MGRN1: variants seen among roughly 807,000 people sequenced by gnomAD.
The protein encoded by MGRN1 is mahogunin ring finger 1.
MGRN1 carries 29 observed loss-of-function variants against 69.2 expected under a neutral mutation model. The ratio of observed to expected loss-of-function variants is 0.42; its 90% confidence interval spans 0.31 to 0.57. The LOEUF (loss-of-function observed/expected upper bound fraction) is 0.57, where lower values mean the gene tolerates loss of function less well. Ranked by LOEUF, MGRN1 falls within the 20% of genes least tolerant of loss-of-function variation. MGRN1 has a pLI of 0.15. For missense variants in MGRN1, 998 were observed against 796.2 expected, an observed-to-expected ratio of 1.25 and a Z score of -3.05; for synonymous variants, 470 against 344.2, an observed-to-expected ratio of 1.37 and a Z score of -4.04.
At chr16:4,669,997 A>G (rs1193523993) in intron 8 of MGRN1, among the ~76,000 whole-genome samples, 1 of 152,180 alleles carries the variant, frequency 6.6e-6, no homozygotes, top group Non-Finnish European at 1.5e-5. Context: ...ACCTGTTTCA[A>G]GCCACCACTT....
Position 4,624,912 on chromosome 16 carries a change from G to A in MGRN1, c.-49G>A. The A allele has an allele frequency of 6.8e-7, 1 of 1,467,432 alleles. No individual in the cohort carries two copies. Among genetic ancestry groups the A allele is most frequent in the South Asian group, 1.3e-5 (1 of 78,256 alleles). The allele number at this position is 1,467,432 out of a possible 1,614,324, so 90.9% of individuals were successfully genotyped here. On this transcript the variant is annotated 5_prime_UTR_variant, in exon 1 of 17. Transcript: ENST00000262370. Reference sequence around the variant, plus strand: ...TCCGCGTGAGGACCCCGCCGCTGTCGCCGCTCCCGTTCCGGCCCTGGCCCC... The same window carrying A: ...TCCGCGTGAGGACCCCGCCGCTGTCACCGCTCCCGTTCCGGCCCTGGCCCC...
At chr16:4,644,354 C>G (rs1472697157) in intron 1 of MGRN1, among the ~76,000 whole-genome samples, 2 of 139,398 alleles carry the variant, frequency 1.4e-5, no homozygotes, top group African/African-American at 5.5e-5. Context: ...GTTGTCCAGG[C>G]TGGAGTGGAC....
At chr16:4,686,405 C>T in intron 16 of MGRN1, 2 of 1,480,432 alleles carry the variant, frequency 1.4e-6, no homozygotes, top group Non-Finnish European at 1.8e-6. Flanking sequence ...GTTTTTGGGT[C>T]TTCGTCCGCA....
chr16:4,638,094 G>C (rs2078070958), intron 1 of MGRN1, among the ~76,000 whole-genome samples: 1 of 152,186 alleles, frequency 6.6e-6, no homozygotes, highest in Non-Finnish European at 1.5e-5. Context: ...ACACCTGCCG[G>C]AGGCTCCTTT....
intron 1 of MGRN1, among the ~76,000 whole-genome samples, chr16:4,641,954 C>T (rs953179770): frequency 6.6e-6 from 1 of 152,022 alleles, no homozygotes; most frequent in Non-Finnish European, 1.5e-5. Flanking sequence ...CTCGGCTGGC[C>T]TGGATTCTCT....
rs1392531122 is a variant in MGRN1, at chr16:4,624,860, C to T, written c.-101C>T. The T allele has an allele frequency of 3.1e-6, 3 of 980,446 alleles. No homozygotes were observed. Among genetic ancestry groups the T allele is most frequent in the East Asian group, 3.5e-5 (1 of 28,334 alleles). The allele number at this position is 980,446 out of a possible 1,614,324, so 60.7% of individuals were successfully genotyped here. A position where few individuals can be genotyped will look rare whatever the true frequency, so the allele number is the denominator to read the frequency against. ...AGGCGCCTCCGCGGCCGTGGACGAG[C>T]GTCCGTGCGGCCTGGTCCGGGCCAT... is the stretch of plus-strand genomic sequence containing the variant. On this transcript the variant is annotated 5_prime_UTR_variant, in exon 1 of 17. Transcript: ENST00000262370.
Position 4,687,725 on chromosome 16 carries a change from C to T in MGRN1, c.1619-1071C>T, listed in dbSNP as rs910305671. The T allele has an allele frequency of 9.9e-5, 98 of 985,480 alleles. 1 individual carries two copies. The African/African-American group carries it at 1.2e-3, about 12-fold the overall frequency. 61.0% of individuals were successfully genotyped at this position (985,480 alleles called of 1,614,324 possible). Reference sequence around the variant, plus strand: ...CAAGCTGCGTGCAGCTCTGGTCTGCCGAGGCCCATGCAGCCTGCTGGGAGG... The same window carrying T: ...CAAGCTGCGTGCAGCTCTGGTCTGCTGAGGCCCATGCAGCCTGCTGGGAGG... On this transcript the variant is annotated intron_variant, in intron 16 of 16. Coordinates refer to ENST00000262370, the MANE Select transcript of MGRN1 (RefSeq NM_015246.4).
intron 16 of MGRN1, chr16:4,687,546 C>T (rs546089468): frequency 4.3e-5 from 42 of 974,748 alleles, no homozygotes; most frequent in South Asian, 9.5e-5. Context: ...CCACCCACTC[C>T]AGCCTGAGAC....
intron 5 of MGRN1, among the ~76,000 whole-genome samples, chr16:4,661,191 C>G (rs138042682): frequency 1.7e-4 from 26 of 151,072 alleles, no homozygotes; most frequent in Middle Eastern, 6.8e-3. Flanking sequence ...GTTGCGTAGG[C>G]TGGTCTCAAA....
chr16:4,665,215 A>C, intron 7 of MGRN1, 64 bp downstream of exon 7: 2 of 1,577,566 alleles, frequency 1.3e-6, no homozygotes, highest in Non-Finnish European at 1.7e-6. Context: ...TGGCCTTTTG[A>C]GACGAGAAGC....
chr16:4,656,516 C>T (rs1004627206), intron 4 of MGRN1, among the ~76,000 whole-genome samples: 4 of 152,228 alleles, frequency 2.6e-5, no homozygotes, highest in African/African-American at 9.6e-5. Flanking sequence ...CAGCAGGCCT[C>T]TGGGAGCAGG....
chr16:4,663,433 T>C (rs2078730857), intron 5 of MGRN1, among the ~76,000 whole-genome samples: 1 of 141,442 alleles, frequency 7.1e-6, no homozygotes, highest in Non-Finnish European at 1.5e-5. Flanking sequence ...TGCAGCTCAC[T>C]CGTGTTAAGC....
intron 1 of MGRN1, among the ~76,000 whole-genome samples, chr16:4,643,885 G>C (rs1178683421): frequency 6.6e-6 from 1 of 152,160 alleles, no homozygotes; most frequent in African/African-American, 2.4e-5. Flanking sequence ...TGAGTAGATG[G>C]GTTCCTTTTT....
chr16:4,678,444 TGGAGAGACAAAG>T (rs368292222), intron 11 of MGRN1, among the ~76,000 whole-genome samples: 112 of 148,986 alleles, frequency 7.5e-4, no homozygotes, highest in African/African-American at 2.5e-3. Context: ...GAGAGAGATG[TGGAGAGACAAAG>T]GGAGAGACAG....
At chr16:4,629,798 C>A (rs1023847264) in intron 1 of MGRN1, among the ~76,000 whole-genome samples, 1 of 150,934 alleles carries the variant, frequency 6.6e-6, no homozygotes, top group Non-Finnish European at 1.5e-5. Context: ...GTCATCTCAG[C>A]ATTTTGGGAG....
chr16:4,638,250 A>G (rs2078075390), intron 1 of MGRN1, among the ~76,000 whole-genome samples: 1 of 152,068 alleles, frequency 6.6e-6, no homozygotes, highest in Admixed American at 6.6e-5. Flanking sequence ...GTGGATTACG[A>G]GGTCAGGAGT....
intron 1 of MGRN1, among the ~76,000 whole-genome samples, chr16:4,646,573 G>T (rs2078278774): frequency 6.6e-6 from 1 of 152,292 alleles, no homozygotes; most frequent in South Asian, 2.1e-4. Context: ...CCATGGGGCT[G>T]CTTGGGTGTC....
chr16:4,657,450 G>C, intron 5 of MGRN1, 87 bp downstream of exon 5: 1 of 1,306,710 alleles, frequency 7.7e-7, no homozygotes. Context: ...GGGTCTGTGT[G>C]TTTGGCTTCC....
intron 10 of MGRN1, among the ~76,000 whole-genome samples, 168 bp downstream of exon 10, chr16:4,673,825 C>T (rs1345660459): frequency 1.3e-5 from 2 of 152,158 alleles, no homozygotes; most frequent in Non-Finnish European, 2.9e-5. Context: ...CGGAGTCAGT[C>T]ACCGTGAGAG....
Sources: gnomAD v4.1 joint callset for allele counts (sites outside exome capture counted in the v4.1 genomes callset) on GRCh38, gnomAD v4.1.1 for gene constraint, MANE v1.5 for transcripts, NCBI Gene and HGNC (gene_info 2026-07-23, HGNC 2026-07-21) for gene names.